EGR1: variants seen among roughly 807,000 people sequenced by gnomAD.
The protein encoded by EGR1 is early growth response protein 1.
In EGR1, 8 loss-of-function variants were observed where a neutral mutation model predicts 30.2. The observed-to-expected ratio is 0.26, with a 90% CI of 0.16 to 0.48. The LOEUF (loss-of-function observed/expected upper bound fraction) is 0.48. EGR1 is among the 20% of genes least tolerant of loss of function. The pLI is 0.99. For synonymous variants in EGR1, 334 were observed against 312.8 expected, an observed-to-expected ratio of 1.07 and a Z score of -0.72; for missense variants, 568 against 732.3, an observed-to-expected ratio of 0.78 and a Z score of 2.59.
rs1764167819 is a variant in EGR1, at chr5:138,467,061, A to G, written c.612A>G (p.Ser204=). The G allele has an allele frequency of 6.2e-7, 1 of 1,614,000 alleles. No individual in the cohort carries two copies. The highest frequency in any genetic ancestry group is 8.5e-7 in the Non-Finnish European group (1 of 1,180,036). Reference sequence around the variant, plus strand: ...CCAACGACAGCAGTCCCATTTACTCAGCGGCACCCACCTTCCCCACGCCGA... The same window carrying G: ...CCAACGACAGCAGTCCCATTTACTCGGCGGCACCCACCTTCCCCACGCCGA... ...VPSNDSSPIY[S]AAPTFPTPNT... The change falls in exon 2 of 2, where the codon TCA becomes TCG. Residue 204 remains serine (S), a synonymous_variant. Transcript: ENST00000239938. The surrounding 1 kb of genome is among the most constrained non-coding windows in gnomAD (Gnocchi z 8.3).
chr5:138,469,074 A>G lies in EGR1; in HGVS notation c.*993A>G, dbSNP rs200474052. 6.5e-6 allele frequency: 1 copy of G among 152,712 alleles called. No homozygotes were observed. Among genetic ancestry groups the G allele is most frequent in the African/African-American group, 2.4e-5 (1 of 41,574 alleles). The allele number at this position is 152,712 out of a possible 1,614,324, so 9.5% of individuals were successfully genotyped here. ...AGTCTATTTTTTTAACTGAAAATGT[A>G]AATTTATAAATATATTCAGGAGTTG... is the stretch of plus-strand genomic sequence containing the variant. On this transcript the variant is annotated 3_prime_UTR_variant, in exon 2 of 2. Coordinates refer to ENST00000239938, the MANE Select transcript of EGR1 (RefSeq NM_001964.3).
Position 138,467,607 on chromosome 5 carries a change from C to T in EGR1, c.1158C>T (p.His386=), listed in dbSNP as rs1476244237. The stretch of plus-strand genomic sequence containing the variant: ...GCCGCAGCGACCACCTCACCACCCA[C>T]ATCCGCACCCACACAGGCGAAAAGC... ...NFSRSDHLTT[H]IRTHTGEKPF... is the part of the protein sequence containing the mutation. Residue 386 remains histidine, a synonymous_variant, in exon 2 of 2, where the codon CAC becomes CAT. Coordinates refer to ENST00000239938, the MANE Select transcript of EGR1 (RefSeq NM_001964.3). The surrounding 1 kb of genome is among the most constrained non-coding windows in gnomAD (Gnocchi z 8.3). 1 of 1,614,124 alleles carries T rather than the reference C, an allele frequency of 6.2e-7. No homozygotes were observed. Among genetic ancestry groups the T allele is most frequent in the South Asian group, 1.1e-5 (1 of 91,086 alleles).
At position 138,467,754 on chromosome 5, in the gene EGR1, C is replaced by T. The variant is rs553137681; in HGVS notation, c.1305C>T (p.Ala435=). 3.1e-6 allele frequency: 5 copies of T among 1,614,088 alleles called. No homozygotes were observed. In the African/African-American group the frequency reaches 6.7e-5, roughly 22 times the overall value. The stretch of plus-strand genomic sequence containing the variant: ...ACAAAAGTGTTGTGGCCTCTTCGGC[C>T]ACCTCCTCTCTCTCTTCCTACCCGT... ...KADKSVVASS[A]TSSLSSYPSP... Residue 435 remains alanine (A), a synonymous_variant, in exon 2 of 2, where the codon GCC becomes GCT. Transcript: ENST00000239938. The surrounding 1 kb of genome is among the most constrained non-coding windows in gnomAD (Gnocchi z 8.3).
Position 138,468,225 on chromosome 5 carries a change from G to A in EGR1, c.*144G>A. 2 of 1,503,512 alleles carry A rather than the reference G, an allele frequency of 1.3e-6. No homozygotes were observed. Among genetic ancestry groups the A allele is most frequent in the Non-Finnish European group, 1.8e-6 (2 of 1,118,320 alleles). The allele number at this position is 1,503,512 out of a possible 1,614,324, so 93.1% of individuals were successfully genotyped here. Reference sequence around the variant, plus strand: ...AGCCAAGTCCTCCCTCTCTACTGGAGTGGAAGGTCTATTGGCCAACAATCC... The same window carrying A: ...AGCCAAGTCCTCCCTCTCTACTGGAATGGAAGGTCTATTGGCCAACAATCC... On this transcript the variant is annotated 3_prime_UTR_variant, in exon 2 of 2. Transcript: ENST00000239938.
chr5:138,466,726 C>T, intron 1 of EGR1, 31 bp from the exon 2 acceptor site: 1 of 1,583,718 alleles, frequency 6.3e-7, no homozygotes, highest in Non-Finnish European at 8.6e-7. Flanking sequence ...TTTCCAGTAA[C>T]CAGGCCTCCC....
At position 138,468,481 on chromosome 5, in the gene EGR1, G is replaced by C. The variant is rs1372445989; in HGVS notation, c.*400G>C. 3 of 320,446 alleles carry C rather than the reference G, an allele frequency of 9.4e-6. No individual in the cohort carries two copies. The highest frequency in any genetic ancestry group is 1.9e-5 in the Non-Finnish European group (3 of 159,174). 19.9% of individuals were successfully genotyped at this position (320,446 alleles called of 1,614,324 possible). On this transcript the variant is annotated 3_prime_UTR_variant, in exon 2 of 2. Transcript: ENST00000239938. ...CCTCAGAGCCCTGCCCTGCACCCTT[G>C]TACAGTGTCTGTGCCATGGATTTCG... is the stretch of plus-strand genomic sequence containing the variant.
chr5:138,466,866 G>A lies in EGR1; in HGVS notation c.417G>A (p.Leu139=), dbSNP rs539786628. 31 of 1,613,884 alleles carry A rather than the reference G, an allele frequency of 1.9e-5. No individual in the cohort carries two copies. Among genetic ancestry groups the A allele is most frequent in the Admixed American group, 3.3e-5 (2 of 59,996 alleles). The change falls in exon 2 of 2, where the codon CTG becomes CTA. Residue 139 remains leucine (L), a synonymous_variant. Transcript: ENST00000239938. ...TCACCTATACTGGCCGCTTTTCCCT[G>A]GAGCCTGCACCCAACAGTGGCAACA... ...PPITYTGRFS[L]EPAPNSGNTL...
At position 138,467,772 on chromosome 5, in the gene EGR1, CTACCCGTCCCCGGTTGCTACCTCT is replaced by C. The variant is rs759468344; in HGVS notation, c.1339_1362del (p.Ala447_Val454del). 170 of 1,613,924 alleles carry C rather than the reference CTACCCGTCCCCGGTTGCTACCTCT, an allele frequency of 1.1e-4. No homozygotes were observed. Among genetic ancestry groups the C allele is most frequent in the Middle Eastern group, 3.3e-4 (2 of 6,082 alleles). ...CTTCGGCCACCTCCTCTCTCTCTTC[CTACCCGTCCCCGGTTGCTACCTCT>C]TACCCGTCCCCGGTTACTACCTCTT... On this transcript the variant is annotated inframe_deletion, in exon 2 of 2. Transcript: ENST00000239938. The surrounding 1 kb of genome is among the most constrained non-coding windows in gnomAD (Gnocchi z 8.3).
chr5:138,468,786 C>CT lies in EGR1; in HGVS notation c.*720dup, dbSNP rs113788672. 3,696 of 134,920 alleles carry CT rather than the reference C, an allele frequency of 0.027. 65 individuals are homozygous for CT. Among genetic ancestry groups the CT allele is most frequent in the Non-Finnish European group, 0.037 (2,335 of 62,274 alleles). The allele number at this position is 134,920 out of a possible 1,614,324, so 8.4% of individuals were successfully genotyped here. On this transcript the variant is annotated 3_prime_UTR_variant, in exon 2 of 2. Coordinates refer to ENST00000239938, the MANE Select transcript of EGR1 (RefSeq NM_001964.3). ...TGTGGCAAAATATGGTTTGGTTTTT[C>CT]TTTTTTTTTTTTTTTGAAAGTGTTT...
chr5:138,466,688 C>T (rs1318202902), intron 1 of EGR1, 69 bp from the exon 2 acceptor site: 5 of 1,531,378 alleles, frequency 3.3e-6, no homozygotes, highest in Non-Finnish European at 4.4e-6. Context: ...CCTGGCAGCT[C>T]GGGTCGTCCT....
At position 138,465,609 on chromosome 5, in the gene EGR1, A is replaced by AG; in HGVS notation, c.-150dup. 1.2e-6 allele frequency: 1 copy of AG among 804,982 alleles called. No individual in the cohort carries two copies. Among genetic ancestry groups the AG allele is most frequent in the Non-Finnish European group, 1.7e-6 (1 of 586,022 alleles). 49.9% of individuals were successfully genotyped at this position (804,982 alleles called of 1,614,324 possible). On this transcript the variant is annotated 5_prime_UTR_variant, in exon 1 of 2. Transcript: ENST00000239938. Reference sequence around the variant, plus strand: ...GGCGCGTCCACGCCCGCCCGCGCCCAGGGCGAGTCGGGGTCGCCGCCTGCA... The same window carrying AG: ...GGCGCGTCCACGCCCGCCCGCGCCCAGGGGCGAGTCGGGGTCGCCGCCTGCA...
chr5:138,467,767 T>C lies in EGR1; in HGVS notation c.1318T>C (p.Ser440Pro). Residue 440 changes from serine (S) to proline (P), a missense_variant, in exon 2 of 2, where the codon TCT (serine) becomes CCT (proline). Around this residue, in one of 4 missense-constraint regions of EGR1, gnomAD observed 118 missense variants for 161.6 expected, o/e 0.73. Coordinates refer to ENST00000239938, the MANE Select transcript of EGR1 (RefSeq NM_001964.3). This position sits in a 1 kb window ranked among gnomAD's most constrained non-coding sequence, Gnocchi z 8.3. The part of the protein sequence containing the change: ...VVASSATSSL[S>P]SYPSPVATSY... ...GGCCTCTTCGGCCACCTCCTCTCTC[T>C]CTTCCTACCCGTCCCCGGTTGCTAC... The C allele has an allele frequency of 6.2e-7, 1 of 1,614,000 alleles. No individual in the cohort carries two copies. Among genetic ancestry groups the C allele is most frequent in the Non-Finnish European group, 8.5e-7 (1 of 1,179,978 alleles).
rs763735848 is a variant in EGR1, at chr5:138,468,100, G to C, written c.*19G>C. On this transcript the variant is annotated 3_prime_UTR_variant, in exon 2 of 2. Coordinates refer to ENST00000239938, the MANE Select transcript of EGR1 (RefSeq NM_001964.3). Reference sequence around the variant, plus strand: ...TTGCTAAAGGGAAAGGGGAAAGAAAGGGAAAAGGGAGAAAAAGAAACACAA... The same window carrying C: ...TTGCTAAAGGGAAAGGGGAAAGAAACGGAAAAGGGAGAAAAAGAAACACAA... 6.5e-7 allele frequency: 1 copy of C among 1,545,092 alleles called. No individual in the cohort carries two copies. The highest frequency in any genetic ancestry group is 8.7e-7 in the Non-Finnish European group (1 of 1,147,412).
At chr5:138,466,700 G>A (rs1403958685) in intron 1 of EGR1, 57 bp from the exon 2 acceptor site, 5 of 1,556,426 alleles carry the variant, frequency 3.2e-6, no homozygotes, top group African/African-American at 2.7e-5. Context: ...GGTCGTCCTC[G>A]TCCTCCAGTG....
chr5:138,468,749 C>A lies in EGR1; in HGVS notation c.*668C>A, dbSNP rs200522659. The stretch of plus-strand genomic sequence containing the variant: ...AACCTTTTTGTAAATACTGCTTGAC[C>A]GTACTCTCACATGTGGCAAAATATG... On this transcript the variant is annotated 3_prime_UTR_variant, in exon 2 of 2. Transcript: ENST00000239938. 1 of 151,650 alleles carries A rather than the reference C, an allele frequency of 6.6e-6. No individual in the cohort carries two copies. Among genetic ancestry groups the A allele is most frequent in the African/African-American group, 2.4e-5 (1 of 41,202 alleles). 9.4% of individuals were successfully genotyped at this position (151,650 alleles called of 1,614,324 possible).
At position 138,467,082 on chromosome 5, in the gene EGR1, G is replaced by A; in HGVS notation, c.633G>A (p.Thr211=). The change falls in exon 2 of 2, where the codon ACG becomes ACA. Residue 211 remains threonine (T), a synonymous_variant. Coordinates refer to ENST00000239938, the MANE Select transcript of EGR1 (RefSeq NM_001964.3). The surrounding 1 kb of genome is among the most constrained non-coding windows in gnomAD (Gnocchi z 8.3). The part of the protein sequence containing the change: ...PIYSAAPTFP[T]PNTDIFPEPQ... ...ACTCAGCGGCACCCACCTTCCCCAC[G>A]CCGAACACTGACATTTTCCCTGAGC... 3 of 1,613,780 alleles carry A rather than the reference G, an allele frequency of 1.9e-6. No individual in the cohort carries two copies. Among genetic ancestry groups the A allele is most frequent in the Non-Finnish European group, 1.7e-6 (2 of 1,180,028 alleles).
chr5:138,465,937 G>GCAGCAA lies in EGR1; in HGVS notation c.182_187dup (p.Asn61_Ser62dup). 6.2e-7 allele frequency: 1 copy of GCAGCAA among 1,613,004 alleles called. No homozygotes were observed. The highest frequency in any genetic ancestry group is 8.5e-7 in the Non-Finnish European group (1 of 1,179,586). On this transcript the variant is annotated inframe_insertion, in exon 1 of 2. Transcript: ENST00000239938. ...GCCGCCGGGGCCCCAGAGGGCAGCG[G>GCAGCAA]CAGCAACAGCAGCAGCAGCAGCAGC...
rs554486758 is a variant in EGR1 at position 138,465,497 on chromosome 5, G to C, written c.-265G>C. 1 of 232,360 alleles carries C rather than the reference G, an allele frequency of 4.3e-6. No homozygotes were observed. The highest frequency in any genetic ancestry group is 2.3e-5 in the African/African-American group (1 of 43,714). The allele number at this position is 232,360 out of a possible 1,614,324, so 14.4% of individuals were successfully genotyped here. A position where few individuals can be genotyped will look rare whatever the true frequency, so the allele number is the denominator to read the frequency against. Reference sequence around the variant, plus strand: ...GAGTCGCGAGAGATCCCAGCGCGCAGAACTTGGGGAGCCGCCGCCGCCATC... The same window carrying C: ...GAGTCGCGAGAGATCCCAGCGCGCACAACTTGGGGAGCCGCCGCCGCCATC... On this transcript the variant is annotated 5_prime_UTR_variant, in exon 1 of 2. Transcript: ENST00000239938.
chr5:138,467,737 G>A lies in EGR1; in HGVS notation c.1288G>A (p.Val430Ile), dbSNP rs1764177725. 1.2e-6 allele frequency: 2 copies of A among 1,614,170 alleles called. No individual in the cohort carries two copies. Among genetic ancestry groups the A allele is most frequent in the Non-Finnish European group, 1.7e-6 (2 of 1,180,030 alleles). The change falls in exon 2 of 2, where the codon GTT becomes ATT. Residue 430 changes from valine to isoleucine, a missense_variant. Coordinates refer to ENST00000239938, the MANE Select transcript of EGR1 (RefSeq NM_001964.3). The surrounding 1 kb of genome is among the most constrained non-coding windows in gnomAD (Gnocchi z 8.3). The part of the protein sequence containing the change: ...RQKDKKADKS[V>I]VASSATSSLS... ...GAAGGACAAGAAAGCAGACAAAAGT[G>A]TTGTGGCCTCTTCGGCCACCTCCTC...
Sources: gnomAD v4.1 joint callset for allele counts on GRCh38, gnomAD v4.1.1 for gene constraint, gnomAD v4.1.1 regional missense constraint, Gnocchi (gnomAD v3.1) non-coding constraint, MANE v1.5 for transcripts, NCBI Gene and HGNC (gene_info 2026-07-23, HGNC 2026-07-21) for gene names.